Variants in RBFOX1 observed in about 807,000 individuals in gnomAD.
The protein encoded by RBFOX1 is RNA binding fox-1 homolog 1.
Under a neutral mutation model 57.7 loss-of-function variants are expected in RBFOX1, and 8 were observed. That is an observed-to-expected ratio of 0.14 (90% confidence interval 0.08 to 0.25). The LOEUF is 0.25. Ranked by LOEUF, RBFOX1 falls within the 10% of genes least tolerant of loss-of-function variation. The pLI, the probability that RBFOX1 is intolerant of heterozygous loss-of-function variation, is 1.00. For missense variants in RBFOX1, 611 were observed against 548.5 expected (o/e 1.11, Z -1.14); for synonymous variants, 326 against 222.4 (o/e 1.47, Z -4.15).
At chr16:7,026,208 C>A (rs1351594096) in intron 3 of RBFOX1, among the ~76,000 whole-genome samples, 1 of 152,178 alleles carries the variant, frequency 6.6e-6, no homozygotes, top group African/African-American at 2.4e-5. Flanking sequence ...TCAAGACCGT[C>A]TCTTCTAGGA....
intron 3 of RBFOX1, among the ~76,000 whole-genome samples, chr16:6,926,782 C>T (rs947058339): frequency 6.6e-6 from 1 of 152,166 alleles, no homozygotes; most frequent in Non-Finnish European, 1.5e-5. Flanking sequence ...TCTGCTGGGT[C>T]TCTTGAGTTC....
chr16:6,335,761 C>G (rs1340691940), intron 2 of RBFOX1, among the ~76,000 whole-genome samples: 1 of 101,912 alleles, frequency 9.8e-6, no homozygotes, highest in African/African-American at 4.3e-5. Flanking sequence ...CTGGGGGATA[C>G]AGCAAGACTG....
chr16:6,805,025 C>A (rs912322767), intron 3 of RBFOX1, among the ~76,000 whole-genome samples: 5 of 152,280 alleles, frequency 3.3e-5, no homozygotes, highest in South Asian at 4.1e-4. Flanking sequence ...ATTTGACCTA[C>A]CAGTCCCATT....
intron 4 of RBFOX1, among the ~76,000 whole-genome samples, chr16:7,065,640 A>G (rs1166452606): frequency 6.6e-6 from 1 of 152,146 alleles, no homozygotes; most frequent in Non-Finnish European, 1.5e-5. Flanking sequence ...TCACATACTT[A>G]CCTTATTTTT....
At chr16:5,379,781 C>T (rs559459882) in intron 1 of RBFOX1, among the ~76,000 whole-genome samples, 1 of 152,342 alleles carries the variant, frequency 6.6e-6, no homozygotes, top group African/African-American at 2.4e-5. Context: ...CACCAGGGCT[C>T]TCCCTTTGAT....
chr16:5,882,804 C>T (rs1476761387), intron 4 of RBFOX1, among the ~76,000 whole-genome samples: 1 of 152,142 alleles, frequency 6.6e-6, no homozygotes, highest in African/African-American at 2.4e-5. Context: ...TGAAAAATCT[C>T]ATGCTGTGGA....
intron 2 of RBFOX1, among the ~76,000 whole-genome samples, chr16:5,491,570 C>T (rs1055465995): frequency 2.0e-5 from 3 of 152,176 alleles, no homozygotes; most frequent in African/African-American, 7.2e-5. Context: ...TTACAGCAAT[C>T]AAAATAGATT....
intron 3 of RBFOX1, among the ~76,000 whole-genome samples, chr16:6,714,649 C>T (rs1426021592): frequency 6.6e-6 from 1 of 152,088 alleles, no homozygotes; most frequent in Non-Finnish European, 1.5e-5. Flanking sequence ...ATATTACAGC[C>T]AGGTCCATGT....
At chr16:7,374,065 A>G (rs1386076722) in intron 4 of RBFOX1, among the ~76,000 whole-genome samples, 1 of 152,112 alleles carries the variant, frequency 6.6e-6, no homozygotes, top group Non-Finnish European at 1.5e-5. Flanking sequence ...GGAGAGGCAG[A>G]TAGACCCAGA....
At chr16:5,793,657 C>T (rs1597279510) in intron 3 of RBFOX1, among the ~76,000 whole-genome samples, 1 of 152,312 alleles carries the variant, frequency 6.6e-6, no homozygotes, top group African/African-American at 2.4e-5. Flanking sequence ...CCGGTACTTG[C>T]AGGGGATGCT....
chr16:7,340,530 C>G (rs1363028784), intron 4 of RBFOX1, among the ~76,000 whole-genome samples: 1 of 152,196 alleles, frequency 6.6e-6, no homozygotes, highest in Non-Finnish European at 1.5e-5. Flanking sequence ...TTTTTACAGA[C>G]TAGTAAGTCA....
intron 2 of RBFOX1, among the ~76,000 whole-genome samples, chr16:6,515,729 C>G (rs1013891031): frequency 6.6e-6 from 1 of 152,100 alleles, no homozygotes; most frequent in Non-Finnish European, 1.5e-5. Flanking sequence ...CTACCCCATA[C>G]CTCCACTGTG....
intron 4 of RBFOX1, among the ~76,000 whole-genome samples, chr16:7,209,322 C>G (rs56107689): frequency 1.3e-5 from 2 of 151,944 alleles, no homozygotes; most frequent in African/African-American, 2.4e-5. Flanking sequence ...GCGACAAGAG[C>G]GAAACTCTGT....
At chr16:7,610,504 C>T (rs1420261036) in intron 10 of RBFOX1, among the ~76,000 whole-genome samples, 1 of 151,952 alleles carries the variant, frequency 6.6e-6, no homozygotes, top group African/African-American at 2.4e-5. Context: ...TGTATGATTC[C>T]AGCTGCCACC....
rs542286147 is a variant in RBFOX1, at chr16:5,619,281, A to C, written c.318+20320A>C. On this transcript the variant is annotated intron_variant, in intron 3 of 19. Coordinates refer to the RBFOX1 transcript ENST00000641259. ...CCCGGGCTCCAGCCACCTTGGCTGC[A>C]AACATCATTATGGAACTCTGACCCT... 2.5e-4 allele frequency among the ~76,000 whole-genome samples: 38 copies of C among 152,276 alleles called. No individual in the cohort carries two copies. The South Asian group carries it at 6.2e-3, about 25-fold the overall frequency.
chr16:5,518,106 T>A (rs986968363), intron 2 of RBFOX1, among the ~76,000 whole-genome samples: 1 of 152,192 alleles, frequency 6.6e-6, no homozygotes, highest in Non-Finnish European at 1.5e-5. Flanking sequence ...GTTGCTGTTA[T>A]GCAGCTGCAA....
chr16:7,180,258 A>C (rs1342960158), intron 4 of RBFOX1, among the ~76,000 whole-genome samples: 1 of 152,090 alleles, frequency 6.6e-6, no homozygotes, highest in Non-Finnish European at 1.5e-5. Context: ...ACATATATTA[A>C]CTCTTTATGT....
chr16:7,044,475 A>G (rs1324720497), intron 3 of RBFOX1, among the ~76,000 whole-genome samples: 1 of 152,196 alleles, frequency 6.6e-6, no homozygotes, highest in Non-Finnish European at 1.5e-5. Context: ...GACGGGGAAG[A>G]TGAATCCCTG....
chr16:5,664,145 G>A (rs1218443460), intron 3 of RBFOX1, among the ~76,000 whole-genome samples: 1 of 152,178 alleles, frequency 6.6e-6, no homozygotes. Context: ...TCCATGTGTT[G>A]TTTCTTCGAT....
Sources: allele counts gnomAD v4.1 joint callset (sites outside exome capture counted in the v4.1 genomes callset), GRCh38; gene constraint gnomAD v4.1.1; transcripts MANE v1.5; gene names NCBI Gene and HGNC (gene_info 2026-07-23, HGNC 2026-07-21).